Variants in NLE1 observed in about 807,000 individuals in gnomAD.
NLE1 encodes notchless homolog 1.
NLE1 carries 37 observed loss-of-function variants against 62.8 expected under a neutral mutation model. The observed-to-expected ratio is 0.59, with a 90% CI of 0.45 to 0.78. The LOEUF is 0.78. NLE1 is among the 30% of genes least tolerant of loss of function. The pLI is 0.00. For missense variants in NLE1, 555 were observed against 637.9 expected, an observed-to-expected ratio of 0.87 and a Z score of 1.40; for synonymous variants, 243 against 253.0, an observed-to-expected ratio of 0.96 and a Z score of 0.37.
chr17:35,137,251 G>C (rs2091914906), intron 6 of NLE1, 58 bp from the exon 7 acceptor site: 1 of 1,463,588 alleles, frequency 6.8e-7, no homozygotes, highest in Non-Finnish European at 9.3e-7. Context: ...TGTGCCCATG[G>C]CACCTCCCCA....
At chr17:35,134,091 C>T (rs138306106) in intron 10 of NLE1, among the ~76,000 whole-genome samples, 4 of 152,236 alleles carry the variant, frequency 2.6e-5, no homozygotes, top group East Asian at 3.9e-4. Context: ...TCCTCTAATC[C>T]GATTAACCCC....
chr17:35,141,895 G>GAACC (rs2091946315), intron 2 of NLE1, 84 bp downstream of exon 2: 6 of 1,437,334 alleles, frequency 4.2e-6, no homozygotes, highest in Admixed American at 2.0e-5. Flanking sequence ...GGGGGACCAT[G>GAACC]AACCGCAGAC....
rs780571323 is a variant in NLE1, at chr17:35,130,482, A to G, written c.*1955T>C. 2 of 1,581,124 alleles carry G rather than the reference A, an allele frequency of 1.3e-6. No individual in the cohort carries two copies. The highest frequency in any genetic ancestry group is 2.3e-5 in the South Asian group (2 of 87,814). ...CTCACCTACTTTCAGCTTCAACCCC[A>G]GGCCCTCAGAAACCAGAGCCATGAG... On this transcript the variant is annotated 3_prime_UTR_variant, in exon 13 of 13. Coordinates refer to ENST00000442241, the MANE Select transcript of NLE1 (RefSeq NM_018096.5).
Position 35,130,378 on chromosome 17 carries a change from A to G in NLE1, c.*2059T>C, listed in dbSNP as rs780753986. 9.9e-6 allele frequency: 16 copies of G among 1,613,996 alleles called. No homozygotes were observed. In the African/African-American group the frequency reaches 1.5e-4, roughly 15 times the overall value. On this transcript the variant is annotated 3_prime_UTR_variant, in exon 13 of 13. Coordinates refer to ENST00000442241, the MANE Select transcript of NLE1 (RefSeq NM_018096.5). The stretch of plus-strand genomic sequence containing the variant: ...GGAACCCCGGCAAAAGATCGTGTCC[A>G]TCGGGCCGGAGGAGATGCGGAGGCT...
Position 35,133,165 on chromosome 17 carries a change from A to T in NLE1, c.1445+6T>A. The T allele has an allele frequency of 6.2e-7, 1 of 1,613,562 alleles. No homozygotes were observed. The highest frequency in any genetic ancestry group is 1.1e-5 in the South Asian group (1 of 91,066). On this transcript the variant is annotated splice_donor_region_variant and intron_variant, in intron 12 of 12. Coordinates refer to ENST00000442241, the MANE Select transcript of NLE1 (RefSeq NM_018096.5). ...GTATGCCAACCACCACTTCCCCCAC[A>T]CTCACATCCGGAGGCATTTGTCCTT...
At chr17:35,136,332 C>A (rs78567830) in intron 8 of NLE1, 30 bp downstream of exon 8, 1 of 1,608,948 alleles carries the variant, frequency 6.2e-7, no homozygotes, top group East Asian at 2.2e-5. Context: ...TCCCAATCAG[C>A]CCCCGCTCTT....
intron 2 of NLE1, among the ~76,000 whole-genome samples, chr17:35,141,541 A>C (rs1167057164): frequency 7.1e-6 from 1 of 140,272 alleles, no homozygotes; most frequent in East Asian, 2.0e-4. Flanking sequence ...CGACAAAGTG[A>C]GACTCCGTCT....
At chr17:35,137,761 C>T in intron 5 of NLE1, 53 bp downstream of exon 5, 1 of 931,082 alleles carries the variant, frequency 1.1e-6, no homozygotes, top group Non-Finnish European at 1.6e-6. Flanking sequence ...TCTGAACTGT[C>T]TCCTAGGAAG....
intron 9 of NLE1, 94 bp from the exon 10 acceptor site, chr17:35,135,545 A>G: frequency 9.0e-7 from 1 of 1,108,390 alleles, no homozygotes. Flanking sequence ...CTGATTACTC[A>G]ATGCCAGGGA....
In NLE1 at chr17:35,135,312, G is replaced by T. The variant is rs754854731; in HGVS notation, c.1151C>A (p.Ser384Tyr). ...AAAGGAGGCACTAGCCACGATGCGG[G>T]AGTCAGGAGAGAAGAGCACCTGGTT... ...LINQVLFSPD[S>Y]RIVASASFDK... The change falls in exon 10 of 13, where the codon TCC becomes TAC. Residue 384 changes from serine to tyrosine, a missense_variant. Physicochemically the swap from Ser to Tyr is moderately radical, Grantham distance 144 (BLOSUM62 -2). Coordinates refer to ENST00000442241, the MANE Select transcript of NLE1 (RefSeq NM_018096.5). 6.2e-7 allele frequency: 1 copy of T among 1,614,202 alleles called. No homozygotes were observed.
At chr17:35,136,077 G>T in intron 9 of NLE1, 92 bp downstream of exon 9, 1 of 1,281,826 alleles carries the variant, frequency 7.8e-7, no homozygotes, top group Non-Finnish European at 1.1e-6. Flanking sequence ...ATTCTGAGCT[G>T]GGTCTAGAAG....
At chr17:35,136,246 A>G in intron 8 of NLE1, 31 bp from the exon 9 acceptor site, 1 of 1,613,752 alleles carries the variant, frequency 6.2e-7, no homozygotes, top group Non-Finnish European at 8.5e-7. Flanking sequence ...GGAGAAAAGG[A>G]GATGAGGAAG....
intron 3 of NLE1, 136 bp from the exon 4 acceptor site, chr17:35,139,450 C>G (rs2091929371): frequency 4.3e-6 from 3 of 699,974 alleles, no homozygotes; most frequent in Middle Eastern, 2.8e-4. Context: ...TGATGCTGTC[C>G]TCTGGGAGAA....
chr17:35,135,503 G>A, intron 9 of NLE1, 52 bp from the exon 10 acceptor site: 1 of 1,557,934 alleles, frequency 6.4e-7, no homozygotes, highest in Non-Finnish European at 8.8e-7. Context: ...GAAAGAAGGA[G>A]GAGGGCCCGA....
chr17:35,140,554 C>T (rs1009797845), intron 2 of NLE1, among the ~76,000 whole-genome samples: 2 of 151,214 alleles, frequency 1.3e-5, no homozygotes, highest in Non-Finnish European at 2.9e-5. Context: ...AGTCACTGAA[C>T]AGCAGTTGCA....
Position 35,139,120 on chromosome 17 carries a change from A to G in NLE1, c.460+115T>C, listed in dbSNP as rs1268588471. The G allele has an allele frequency of 2.6e-5, 22 of 836,174 alleles. No individual in the cohort carries two copies. The East Asian group carries it at 5.8e-4, about 22-fold the overall frequency. 51.8% of individuals were successfully genotyped at this position (836,174 alleles called of 1,614,324 possible). The stretch of plus-strand genomic sequence containing the variant: ...CTTGAACCCAGGAGTTCAAGGCTTG[A>G]GCCCAGGAGTTCAAGTGAGCTGTGA... On this transcript the variant is annotated intron_variant, in intron 4 of 12. Coordinates refer to ENST00000442241, the MANE Select transcript of NLE1 (RefSeq NM_018096.5).
At chr17:35,139,538 G>C (rs571087586) in intron 3 of NLE1, among the ~76,000 whole-genome samples, 2 of 152,342 alleles carry the variant, frequency 1.3e-5, no homozygotes, top group South Asian at 4.1e-4. Flanking sequence ...CTAAGTTTGA[G>C]AGAAGCAACT....
chr17:35,130,562 C>A lies in NLE1; in HGVS notation c.*1875G>T, dbSNP rs2091871007. On this transcript the variant is annotated 3_prime_UTR_variant, in exon 13 of 13. Transcript: ENST00000442241. Reference sequence around the variant, plus strand: ...CCGGGGTCTGGCAGAGTGGTATGGGCACCCCACCCCTGGGCTGGGGCCAAG... The same window carrying A: ...CCGGGGTCTGGCAGAGTGGTATGGGAACCCCACCCCTGGGCTGGGGCCAAG... 1 of 988,270 alleles carries A rather than the reference C, an allele frequency of 1.0e-6. No individual in the cohort carries two copies. The highest frequency in any genetic ancestry group is 1.5e-6 in the Non-Finnish European group (1 of 686,160). 61.2% of individuals were successfully genotyped at this position (988,270 alleles called of 1,614,324 possible).
chr17:35,141,672 C>G (rs925019630), intron 2 of NLE1, among the ~76,000 whole-genome samples: 5 of 152,146 alleles, frequency 3.3e-5, no homozygotes, highest in Non-Finnish European at 5.9e-5. Flanking sequence ...ATACTGAGTC[C>G]CTCCGGGCCA....
Sources: allele counts gnomAD v4.1 joint callset (sites outside exome capture counted in the v4.1 genomes callset), GRCh38; gene constraint gnomAD v4.1.1; transcripts MANE v1.5; gene names NCBI Gene and HGNC (gene_info 2026-07-23, HGNC 2026-07-21).